Variants in KCNIP4 observed in about 807,000 individuals in gnomAD.
KCNIP4 encodes the protein potassium voltage-gated channel interacting protein 4.
In KCNIP4, 12 loss-of-function variants were observed where a neutral mutation model predicts 34.0. That is an observed-to-expected ratio of 0.35 (90% CI 0.23 to 0.57). The LOEUF (loss-of-function observed/expected upper bound fraction) is 0.57, where lower values mean the gene tolerates loss of function less well. KCNIP4 is among the 20% of genes least tolerant of loss of function. KCNIP4 has a pLI of 0.83. For missense variants in KCNIP4, 238 were observed against 311.7 expected, an observed-to-expected ratio of 0.76 and a Z score of 1.78; for synonymous variants, 124 against 102.2, an observed-to-expected ratio of 1.21 and a Z score of -1.29.
rs182276868 is a variant in KCNIP4, at chr4:21,776,448, A to T, written c.61+172123T>A. ...ATTATGGAGTTTTCCTAAATTTATA[A>T]TATGGTGAAGTAGAAAGTGTGGTGA... is the stretch of plus-strand genomic sequence containing the variant. On this transcript the variant is annotated intron_variant, in intron 1 of 8. Transcript: ENST00000382152. Among the ~76,000 whole-genome samples, 408 of 152,280 alleles carry T rather than the reference A, an allele frequency of 2.7e-3. 3 individuals are homozygous for T. The highest frequency in any genetic ancestry group is 4.2e-3 in the Non-Finnish European group (283 of 68,022).
At chr4:20,862,932 T>A (rs187134227) in intron 2 of KCNIP4, among the ~76,000 whole-genome samples, 110 of 152,098 alleles carry the variant, frequency 7.2e-4, no homozygotes, top group South Asian at 2.1e-3. Flanking sequence ...AACACATGGA[T>A]ACATAGAAGG....
intron 1 of KCNIP4, among the ~76,000 whole-genome samples, chr4:21,914,525 CT>C (rs923100597): frequency 6.6e-6 from 1 of 152,120 alleles, no homozygotes; most frequent in African/African-American, 2.4e-5. Context: ...CCATGTGTCT[CT>C]CTGTCTAAAA....
At chr4:21,099,151 A>T (rs1487036454) in intron 1 of KCNIP4, among the ~76,000 whole-genome samples, 1 of 152,228 alleles carries the variant, frequency 6.6e-6, no homozygotes, top group African/African-American at 2.4e-5. Context: ...TCATTCTATT[A>T]TAAAAATACA....
intron 1 of KCNIP4, among the ~76,000 whole-genome samples, chr4:20,989,605 T>C (rs1039759228): frequency 6.6e-6 from 1 of 152,178 alleles, no homozygotes; most frequent in Non-Finnish European, 1.5e-5. Context: ...GAGAGAAACC[T>C]AATCTAGGTC....
chr4:21,800,509 C>T (rs1578007043), intron 1 of KCNIP4, among the ~76,000 whole-genome samples: 1 of 151,922 alleles, frequency 6.6e-6, no homozygotes, highest in African/African-American at 2.4e-5. Context: ...AAAATAAAAC[C>T]GTGACTCCCT....
chr4:21,197,969 T>G (rs572559827), intron 1 of KCNIP4, among the ~76,000 whole-genome samples: 1 of 152,284 alleles, frequency 6.6e-6, no homozygotes, highest in Admixed American at 6.5e-5. Context: ...ATTTAACAAC[T>G]TCATTTGAGG....
chr4:20,979,399 CTTTTT>C (rs762394597), intron 1 of KCNIP4, among the ~76,000 whole-genome samples: 1 of 133,316 alleles, frequency 7.5e-6, no homozygotes. Flanking sequence ...CACTTTCTTT[CTTTTT>C]TTTTTTTTTT....
At chr4:20,989,826 C>T (rs566140473) in intron 1 of KCNIP4, among the ~76,000 whole-genome samples, 6 of 152,150 alleles carry the variant, frequency 3.9e-5, no homozygotes, top group South Asian at 2.1e-4. Flanking sequence ...AAAGTTAGCT[C>T]GGCATGGTGA....
intron 1 of KCNIP4, among the ~76,000 whole-genome samples, chr4:21,335,097 A>C (rs2109333536): frequency 6.6e-6 from 1 of 152,196 alleles, no homozygotes; most frequent in South Asian, 2.1e-4. Flanking sequence ...AAGTGGGTAG[A>C]GTTCTAATTC....
chr4:21,502,509 A>AGATT (rs766823550), intron 1 of KCNIP4, among the ~76,000 whole-genome samples: 55 of 152,212 alleles, frequency 3.6e-4, no homozygotes, highest in Non-Finnish European at 5.6e-4. Context: ...TAGTGGGCAC[A>AGATT]GATTATATTT....
intron 1 of KCNIP4, among the ~76,000 whole-genome samples, chr4:21,392,104 A>T (rs990533001): frequency 1.3e-5 from 2 of 152,192 alleles, no homozygotes; most frequent in African/African-American, 4.8e-5. Flanking sequence ...CTTGCAGGAG[A>T]TAGACTCTTC....
chr4:21,473,054 T>C (rs1730599325), intron 1 of KCNIP4, among the ~76,000 whole-genome samples: 3 of 152,178 alleles, frequency 2.0e-5, no homozygotes, highest in Non-Finnish European at 2.9e-5. Flanking sequence ...CACTTGCAAG[T>C]TGAACCTGAT....
chr4:21,206,482 T>C (rs1284231840), intron 1 of KCNIP4, among the ~76,000 whole-genome samples: 1 of 152,094 alleles, frequency 6.6e-6, no homozygotes, highest in Non-Finnish European at 1.5e-5. Flanking sequence ...TGGAGGAAGG[T>C]TATAAAGAGG....
chr4:21,580,025 G>A (rs1741086806), intron 1 of KCNIP4, among the ~76,000 whole-genome samples: 2 of 152,068 alleles, frequency 1.3e-5, no homozygotes, highest in South Asian at 4.1e-4. Flanking sequence ...TTGTAATATA[G>A]GTGCCCAAAT....
intron 1 of KCNIP4, among the ~76,000 whole-genome samples, chr4:21,340,399 T>A (rs1314241091): frequency 6.6e-6 from 1 of 152,194 alleles, no homozygotes; most frequent in Admixed American, 6.5e-5. Flanking sequence ...AGGAAACTAT[T>A]TGAAGCCATC....
intron 1 of KCNIP4, among the ~76,000 whole-genome samples, chr4:21,118,532 G>A (rs957829965): frequency 1.3e-5 from 2 of 152,186 alleles, no homozygotes; most frequent in Non-Finnish European, 2.9e-5. Flanking sequence ...GTCTGCCTTT[G>A]AGTCTTTGCC....
chr4:21,416,756 G>C (rs895953128), intron 1 of KCNIP4, among the ~76,000 whole-genome samples: 1 of 152,162 alleles, frequency 6.6e-6, no homozygotes, highest in Non-Finnish European at 1.5e-5. Flanking sequence ...GTTTATTGAG[G>C]TGATTTGTAG....
At chr4:21,639,104 A>G (rs1293233835) in intron 1 of KCNIP4, among the ~76,000 whole-genome samples, 2 of 152,196 alleles carry the variant, frequency 1.3e-5, no homozygotes, top group East Asian at 3.9e-4. Context: ...TGACAGAACT[A>G]TTGCCCAGAA....
intron 1 of KCNIP4, among the ~76,000 whole-genome samples, chr4:21,574,187 C>T (rs551725746): frequency 6.6e-6 from 1 of 151,962 alleles, no homozygotes; most frequent in Admixed American, 6.6e-5. Context: ...ATGGTGGTGT[C>T]TTAGATTAAT....
Sources: gnomAD v4.1 joint callset for allele counts (sites outside exome capture counted in the v4.1 genomes callset) on GRCh38, gnomAD v4.1.1 for gene constraint, MANE v1.5 for transcripts, NCBI Gene and HGNC (gene_info 2026-07-23, HGNC 2026-07-21) for gene names.